The following VAV3 variants were observed in gnomAD, a reference collection of about 807,000 sequenced individuals.
The protein encoded by VAV3 is guanine nucleotide exchange factor VAV3.
VAV3 carries 94 observed loss-of-function variants against 131.2 expected under a neutral mutation model. The ratio of observed to expected loss-of-function variants is 0.72; its 90% CI spans 0.61 to 0.85. The LOEUF (loss-of-function observed/expected upper bound fraction) is 0.85. Among genes scored for constraint, VAV3 ranks in the 40% least tolerant of loss-of-function variants. The pLI is 0.00. For synonymous variants in VAV3, 349 were observed against 342.0 expected (o/e 1.02, Z -0.22); for missense variants, 939 against 1,002.7 (o/e 0.94, Z 0.86).
rs190409316 is a variant in VAV3 at position 107,924,812 on chromosome 1, T to C, written c.204+39854A>G. Among the ~76,000 whole-genome samples, 22 of 152,232 alleles carry C rather than the reference T, an allele frequency of 1.4e-4. No homozygotes were observed. The East Asian group carries it at 3.3e-3, about 23-fold the overall frequency. Reference sequence around the variant, plus strand: ...CCCTTGGCATATTAAATATTAAACATAGAACAACACAACGATATTAAGAAT... The same window carrying C: ...CCCTTGGCATATTAAATATTAAACACAGAACAACACAACGATATTAAGAAT... On this transcript the variant is annotated intron_variant, in intron 1 of 26. Coordinates refer to ENST00000370056, the MANE Select transcript of VAV3 (RefSeq NM_006113.5).
chr1:107,704,709 A>T, intron 16 of VAV3, 59 bp from the exon 17 acceptor site: 1 of 1,381,806 alleles, frequency 7.2e-7, no homozygotes, highest in Non-Finnish European at 1.0e-6. Context: ...CCCATATGAA[A>T]TTACTGCAAG....
intron 15 of VAV3, among the ~76,000 whole-genome samples, chr1:107,716,859 G>T (rs558496786): frequency 2.6e-5 from 4 of 152,076 alleles, no homozygotes; most frequent in African/African-American, 9.7e-5. Context: ...CTGTGAATCC[G>T]TCTGGTCCTG....
Position 107,823,178 on chromosome 1 carries a change from C to G in VAV3, c.322-43686G>C, listed in dbSNP as rs1057195971. Among the ~76,000 whole-genome samples the G allele has an allele frequency of 2.0e-5, 3 of 152,194 alleles. No homozygotes were observed. In the East Asian group the frequency reaches 5.8e-4, roughly 29 times the overall value. ...TCAAGATGACTCTTGAAGACAGAAT[C>G]AGAAAAACTTGCTTACAACAGTGAT... On this transcript the variant is annotated intron_variant, in intron 2 of 26. Coordinates refer to ENST00000370056, the MANE Select transcript of VAV3 (RefSeq NM_006113.5).
At chr1:107,785,448 G>A (rs913179316) in intron 2 of VAV3, 1 of 1,329,082 alleles carries the variant, frequency 7.5e-7, no homozygotes, top group Non-Finnish European at 9.9e-7. Context: ...CCGAGGGAAA[G>A]GGTACTTACA....
At chr1:107,738,435 C>G (rs771966605) in intron 15 of VAV3, among the ~76,000 whole-genome samples, 1 of 152,154 alleles carries the variant, frequency 6.6e-6, no homozygotes, top group Non-Finnish European at 1.5e-5. Context: ...TATCACTCTA[C>G]CCCTAGTGTG....
intron 17 of VAV3, among the ~76,000 whole-genome samples, chr1:107,693,036 C>A (rs1247371613): frequency 6.6e-6 from 1 of 152,056 alleles, no homozygotes. Context: ...TGGGATTAGA[C>A]CTTCGCGGTG....
In VAV3 at chr1:107,732,415, T is replaced by G. The variant is rs1294361997; in HGVS notation, c.1502+16553A>C. Among the ~76,000 whole-genome samples, 3 of 152,098 alleles carry G rather than the reference T, an allele frequency of 2.0e-5. No individual in the cohort carries two copies. The East Asian group carries it at 5.8e-4, about 29-fold the overall frequency. ...AGCCAAAGCTGGGCAGGGCATCGCC[T>G]CACCCAAGAAGCTCAAGGGGTTGGG... On this transcript the variant is annotated intron_variant, in intron 15 of 26. Coordinates refer to ENST00000370056, the MANE Select transcript of VAV3 (RefSeq NM_006113.5).
intron 20 of VAV3, among the ~76,000 whole-genome samples, chr1:107,634,070 C>T (rs1293517635): frequency 2.0e-5 from 3 of 152,056 alleles, no homozygotes; most frequent in Non-Finnish European, 2.9e-5. Context: ...AGATTCAATG[C>T]CATCCCCATC....
At chr1:107,893,155 G>A (rs1025105617) in intron 1 of VAV3, among the ~76,000 whole-genome samples, 6 of 152,084 alleles carry the variant, frequency 3.9e-5, no homozygotes, top group African/African-American at 7.2e-5. Flanking sequence ...ATTCTGTCAC[G>A]AACATTTTCA....
chr1:107,614,528 C>T (rs1652999664), intron 21 of VAV3, among the ~76,000 whole-genome samples: 1 of 151,908 alleles, frequency 6.6e-6, no homozygotes, highest in African/African-American at 2.4e-5. Flanking sequence ...AAAGTAGCTA[C>T]TAATATAAAA....
At chr1:107,762,121 A>C (rs1664474963) in intron 9 of VAV3, among the ~76,000 whole-genome samples, 1 of 151,836 alleles carries the variant, frequency 6.6e-6, no homozygotes, top group Middle Eastern at 3.4e-3. Flanking sequence ...TTCTTCAAAA[A>C]AAAAAAAAAA....
At chr1:107,838,624 A>G (rs1391877721) in intron 2 of VAV3, among the ~76,000 whole-genome samples, 1 of 152,170 alleles carries the variant, frequency 6.6e-6, no homozygotes, top group Non-Finnish European at 1.5e-5. Flanking sequence ...AAAGGAAAAT[A>G]AATCATTCTA....
At chr1:107,583,436 G>C (rs1413944326) in intron 25 of VAV3, among the ~76,000 whole-genome samples, 1 of 152,122 alleles carries the variant, frequency 6.6e-6, no homozygotes. Context: ...AGGAAATAAA[G>C]GGTATTCAGT....
In VAV3 at chr1:107,571,874, A is replaced by G. The variant is rs1570535247; in HGVS notation, c.*1457T>C. On this transcript the variant is annotated 3_prime_UTR_variant, in exon 27 of 27. Coordinates refer to ENST00000370056, the MANE Select transcript of VAV3 (RefSeq NM_006113.5). The stretch of plus-strand genomic sequence containing the variant: ...CACTGAACCTTGAGTTCTGGCACCC[A>G]GACGGATTGATGAGAGGGCAGGCTA... 1 of 152,692 alleles carries G rather than the reference A, an allele frequency of 6.5e-6. No individual in the cohort carries two copies. 9.5% of individuals were successfully genotyped at this position (152,692 alleles called of 1,614,324 possible).
At chr1:107,732,775 T>TG in intron 15 of VAV3, among the ~76,000 whole-genome samples, 1 of 152,080 alleles carries the variant, frequency 6.6e-6, no homozygotes, top group Non-Finnish European at 1.5e-5. Context: ...ACTCCACCTC[T>TG]GGGGGCAGGG....
intron 1 of VAV3, among the ~76,000 whole-genome samples, chr1:107,893,565 T>A (rs1490601418): frequency 1.3e-5 from 2 of 152,106 alleles, no homozygotes; most frequent in East Asian, 3.9e-4. Context: ...CTTACATGGA[T>A]GGCAGCAGGC....
intron 18 of VAV3, among the ~76,000 whole-genome samples, chr1:107,687,762 A>G (rs759620937): frequency 2.6e-5 from 4 of 152,202 alleles, no homozygotes; most frequent in African/African-American, 4.8e-5. Context: ...TACTTCCTAC[A>G]TATCCCATCA....
At chr1:107,772,069 A>G (rs191477004) in intron 5 of VAV3, among the ~76,000 whole-genome samples, 1 of 152,364 alleles carries the variant, frequency 6.6e-6, no homozygotes, top group East Asian at 1.9e-4. Flanking sequence ...TGGTAAAGAA[A>G]AGTCTTTAAT....
chr1:107,711,702 G>GT (rs1442743274), intron 15 of VAV3, among the ~76,000 whole-genome samples: 2 of 152,066 alleles, frequency 1.3e-5, no homozygotes, highest in Non-Finnish European at 2.9e-5. Flanking sequence ...CAATAAATTC[G>GT]TAAGTAGTCT....
Sources: allele counts gnomAD v4.1 joint callset (sites outside exome capture counted in the v4.1 genomes callset), GRCh38; gene constraint gnomAD v4.1.1; transcripts MANE v1.5; gene names NCBI Gene and HGNC (gene_info 2026-07-23, HGNC 2026-07-21).